Variants in TEX11 observed in about 807,000 individuals in gnomAD.
The protein encoded by TEX11 is testis expressed 11, also known as testis-expressed protein 11.
A neutral mutation model predicts 84.4 loss-of-function variants in TEX11; 7 were observed. The observed-to-expected ratio is 0.08, with a 90% CI of 0.05 to 0.16. The LOEUF (loss-of-function observed/expected upper bound fraction) is 0.16. Among genes scored for constraint, TEX11 ranks in the 10% least tolerant of loss-of-function variants. The pLI, the probability that TEX11 is intolerant of heterozygous loss-of-function variation, is 1.00. For synonymous variants in TEX11, 264 were observed against 222.8 expected, an observed-to-expected ratio of 1.18 and a Z score of -1.64; for missense variants, 551 against 660.5, an observed-to-expected ratio of 0.83 and a Z score of 1.82.
intron 9 of TEX11, among the ~76,000 whole-genome samples, chrX:70,784,988 T>C (rs775685943): frequency 2.7e-5 from 3 of 111,772 alleles, no homozygotes; most frequent in Non-Finnish European, 5.6e-5. Flanking sequence ...TTAAAGTTTA[T>C]ATGGAAACAG....
chrX:70,893,064 AC>A (rs1191739168), intron 2 of TEX11, among the ~76,000 whole-genome samples: 3 of 111,234 alleles, frequency 2.7e-5, no homozygotes, highest in African/African-American at 9.8e-5. Flanking sequence ...GTTGTTAGAG[AC>A]CTACAAAGAG....
chrX:70,656,795 T>G (rs2089871319), intron 16 of TEX11, among the ~76,000 whole-genome samples: 1 of 111,974 alleles, frequency 8.9e-6, no homozygotes, highest in South Asian at 3.8e-4. Flanking sequence ...CAGTTGAAAT[T>G]GGGAGATAAT....
intron 17 of TEX11, among the ~76,000 whole-genome samples, chrX:70,647,671 AATAAAAAAT>A (rs1038353576): frequency 3.7e-5 from 3 of 82,071 alleles, no homozygotes; most frequent in African/African-American, 1.1e-4. Context: ...GCTTCAAAAA[AATAAAAAAT>A]AAAAAAAGGA....
chrX:70,829,532 T>A (rs2091365759), intron 8 of TEX11, among the ~76,000 whole-genome samples: 1 of 105,672 alleles, frequency 9.5e-6, no homozygotes, highest in African/African-American at 3.5e-5. Context: ...GACAGAATGG[T>A]ATCACACTGA....
rs926840863 is a variant in TEX11, at chrX:70,855,545, G to T, written c.325-2217C>A. Among the ~76,000 whole-genome samples the T allele has an allele frequency of 4.7e-5, 5 of 106,762 alleles. No individual in the cohort carries two copies. In the East Asian group the frequency reaches 1.5e-3, roughly 32 times the overall value. The allele number at this position is 106,762 out of a possible 115,157, so 92.7% of individuals were successfully genotyped here. A position where few individuals can be genotyped will look rare whatever the true frequency, so the allele number is the denominator to read the frequency against. On this transcript the variant is annotated intron_variant, in intron 5 of 29. Transcript: ENST00000374333. ...CATGCCACTGCACTCCAGCTTGGGC[G>T]ATAGAGTGAGACTCTGTCTCAAAAA... is the stretch of plus-strand genomic sequence containing the variant.
intron 25 of TEX11, among the ~76,000 whole-genome samples, chrX:70,585,734 T>C (rs1279993581): frequency 2.7e-5 from 3 of 112,165 alleles, no homozygotes; most frequent in Non-Finnish European, 1.9e-5. Flanking sequence ...AACAAGGGTG[T>C]CAAGACCATT....
At chrX:70,775,430 C>T (rs1214656925) in intron 9 of TEX11, among the ~76,000 whole-genome samples, 1 of 110,717 alleles carries the variant, frequency 9.0e-6, no homozygotes, top group African/African-American at 3.3e-5. Flanking sequence ...TATTTGCAAA[C>T]TATTCATTCT....
chrX:70,734,209 C>G (rs1401854741), intron 11 of TEX11, among the ~76,000 whole-genome samples: 1 of 109,508 alleles, frequency 9.1e-6, no homozygotes, highest in Non-Finnish European at 1.9e-5. Flanking sequence ...TGTTAAATGA[C>G]GAGTTAATGG....
intron 5 of TEX11, among the ~76,000 whole-genome samples, chrX:70,860,205 C>T (rs1214841582): frequency 9.0e-6 from 1 of 110,904 alleles, no homozygotes; most frequent in Non-Finnish European, 1.9e-5. Context: ...CAAGGTGAAC[C>T]CTGCATTCAA....
rs868704454 is a variant in TEX11, at chrX:70,842,036, G to A, written c.526-8443C>T. On this transcript the variant is annotated intron_variant, in intron 7 of 29. Transcript: ENST00000374333. The stretch of plus-strand genomic sequence containing the variant: ...TCCAGGACCAGATGGATTCACAGCC[G>A]AATTCTACCAGAGGTACAAGGAGGA... 5.6e-3 allele frequency among the ~76,000 whole-genome samples: 616 copies of A among 110,847 alleles called. 8 individuals are homozygous for A. The highest frequency in any genetic ancestry group is 0.019 in the African/African-American group (593 of 30,522).
chrX:70,694,252 C>T (rs1344109945), intron 13 of TEX11, among the ~76,000 whole-genome samples: 4 of 111,093 alleles, frequency 3.6e-5, no homozygotes, highest in Non-Finnish European at 7.5e-5. Context: ...ACCACGTTGG[C>T]CAGGATGGTC....
At chrX:70,602,197 G>A (rs768305300) in intron 24 of TEX11, among the ~76,000 whole-genome samples, 134 of 111,623 alleles carry the variant, frequency 1.2e-3, no homozygotes, top group Non-Finnish European at 1.7e-3. Flanking sequence ...CGGATGGGGC[G>A]GCTGGAGGCC....
intron 13 of TEX11, among the ~76,000 whole-genome samples, chrX:70,712,801 G>T (rs1603232069): frequency 2.7e-5 from 3 of 110,649 alleles, no homozygotes; most frequent in African/African-American, 9.8e-5. Flanking sequence ...CTGCCTGATT[G>T]CCCTGGCCAG....
intron 8 of TEX11, among the ~76,000 whole-genome samples, chrX:70,830,102 A>T (rs2091369234): frequency 9.0e-6 from 1 of 111,060 alleles, no homozygotes; most frequent in Non-Finnish European, 1.9e-5. Context: ...AGACCCAATG[A>T]TCTCTTGCCT....
chrX:70,710,303 T>C (rs1402606889), intron 13 of TEX11, among the ~76,000 whole-genome samples: 5 of 111,786 alleles, frequency 4.5e-5, no homozygotes. Context: ...AATTTTTCAT[T>C]ACAGTCATAG....
chrX:70,615,534 C>G (rs1362870451), intron 20 of TEX11, among the ~76,000 whole-genome samples: 1 of 111,652 alleles, frequency 9.0e-6, no homozygotes, highest in African/African-American at 3.3e-5. Flanking sequence ...GCTACAAGAT[C>G]TAGAAGACAG....
At chrX:70,543,039 G>A (rs908853311) in intron 28 of TEX11, among the ~76,000 whole-genome samples, 10 of 110,252 alleles carry the variant, frequency 9.1e-5, no homozygotes, top group African/African-American at 2.3e-4. Context: ...AAAATTAGCC[G>A]GGTGTGGTGG....
At chrX:70,738,444 AAAC>A (rs774340819) in intron 11 of TEX11, among the ~76,000 whole-genome samples, 159 of 112,375 alleles carry the variant, frequency 1.4e-3, no homozygotes, top group African/African-American at 5.0e-3. Context: ...AAAAGTCAGG[AAAC>A]AACAGATGCT....
At chrX:70,798,463 A>T (rs182910494) in intron 9 of TEX11, among the ~76,000 whole-genome samples, 16 of 112,130 alleles carry the variant, frequency 1.4e-4, no homozygotes, top group African/African-American at 4.8e-4. Flanking sequence ...TGACAATGGC[A>T]TTTTCACAGA....
Sources: allele counts gnomAD v4.1 joint callset (sites outside exome capture counted in the v4.1 genomes callset), GRCh38; gene constraint gnomAD v4.1.1; transcripts MANE v1.5; gene names NCBI Gene and HGNC (gene_info 2026-07-23, HGNC 2026-07-21).